The following GLDC variants were observed in gnomAD, a reference collection of about 807,000 sequenced individuals.
GLDC encodes the protein glycine decarboxylase.
A neutral mutation model predicts 121.3 loss-of-function variants in GLDC; 104 were observed. That is an observed-to-expected ratio of 0.86 (90% CI 0.73 to 1.01). The LOEUF (loss-of-function observed/expected upper bound fraction) is 1.01, where lower values mean the gene tolerates loss of function less well. Ranked by LOEUF, GLDC falls within the 50% of genes least tolerant of loss-of-function variation. The probability of loss-of-function intolerance (pLI) is 0.00; values close to 1 mark genes in which losing one functional copy is unlikely to be tolerated. For missense variants in GLDC, 1,429 were observed against 1,306.6 expected, an observed-to-expected ratio of 1.09 and a Z score of -1.44; for synonymous variants, 546 against 480.6, an observed-to-expected ratio of 1.14 and a Z score of -1.78.
intron 2 of GLDC, among the ~76,000 whole-genome samples, chr9:6,643,613 A>T (rs1420017094): frequency 6.6e-6 from 1 of 151,916 alleles, no homozygotes; most frequent in Admixed American, 6.6e-5. Flanking sequence ...CCCACATAAA[A>T]ATACCCCTGA....
At chr9:6,601,843 C>A (rs1563855198) in intron 8 of GLDC, among the ~76,000 whole-genome samples, 1 of 152,128 alleles carries the variant, frequency 6.6e-6, no homozygotes. Flanking sequence ...GTCGCCCAGG[C>A]AGGTTTCCAA....
rs1341167527 is a variant in GLDC, at chr9:6,589,368, G to T, written c.1483-76C>A. ...ATGTGGACATCCAGGCTTCTGGGTG[G>T]CTGGGCCACAAAGCACTCAAAATGG... On this transcript the variant is annotated intron_variant, in intron 11 of 24. Transcript: ENST00000321612. 1.4e-5 allele frequency: 12 copies of T among 841,764 alleles called. No individual in the cohort carries two copies. The East Asian group carries it at 2.7e-4, about 19-fold the overall frequency. 52.1% of individuals were successfully genotyped at this position (841,764 alleles called of 1,614,324 possible). A position where few individuals can be genotyped will look rare whatever the true frequency, so the allele number is the denominator to read the frequency against.
intron 2 of GLDC, 125 bp from the exon 3 acceptor site, chr9:6,620,444 C>T (rs1819068377): frequency 4.9e-6 from 4 of 822,194 alleles, no homozygotes; most frequent in South Asian, 4.2e-5. Context: ...ATGTAAGAGT[C>T]ATCCATCCAA....
At chr9:6,644,418 T>G (rs563783483) in intron 2 of GLDC, 196 bp downstream of exon 2, 6 of 633,738 alleles carry the variant, frequency 9.5e-6, no homozygotes, top group Non-Finnish European at 1.7e-5. Context: ...GACTCTCTCC[T>G]AACACAAAAC....
chr9:6,538,517 G>A (rs1403987298), intron 22 of GLDC, among the ~76,000 whole-genome samples: 2 of 152,152 alleles, frequency 1.3e-5, no homozygotes, highest in African/African-American at 4.8e-5. Flanking sequence ...ATTGTTTTTC[G>A]ACTTAGCTAT....
chr9:6,562,155 A>C (rs1022955547), intron 16 of GLDC, among the ~76,000 whole-genome samples: 2 of 152,256 alleles, frequency 1.3e-5, no homozygotes, highest in African/African-American at 4.8e-5. Flanking sequence ...TATTAATTAT[A>C]AAGTGTTAAA....
chr9:6,553,371 G>C lies in GLDC; in HGVS notation c.2454C>G (p.Ile818Met), dbSNP rs1817554747. ...SSILPISWAY[I>M]KMMGGKGLKQ... ...TGCACATACTCCCAGGCCTCACCTT[G>C]ATATAAGCCCAGGAAATGGGCAAGA... The change falls in exon 20 of 25, where the codon ATC (isoleucine) becomes ATG (methionine). Residue 818 changes from isoleucine (I) to methionine (M), a missense_variant. Transcript: ENST00000321612. 1 of 1,613,990 alleles carries C rather than the reference G, an allele frequency of 6.2e-7. No homozygotes were observed. Among genetic ancestry groups the C allele is most frequent in the Non-Finnish European group, 8.5e-7 (1 of 1,179,930 alleles).
chr9:6,543,742 T>C (rs1343753594), intron 21 of GLDC, among the ~76,000 whole-genome samples: 1 of 152,134 alleles, frequency 6.6e-6, no homozygotes, highest in Non-Finnish European at 1.5e-5. Context: ...CACACAAACC[T>C]GCTATAGGGC....
At chr9:6,594,740 AAAGC>A (rs1818455239) in intron 9 of GLDC, among the ~76,000 whole-genome samples, 2 of 148,586 alleles carry the variant, frequency 1.3e-5, no homozygotes, top group Admixed American at 1.3e-4. Context: ...AGAAAGCAAG[AAAGC>A]AAGCAAGCAA....
rs747336541 is a variant in GLDC at position 6,550,835 on chromosome 9, G to A, written c.2537C>T (p.Thr846Ile). Residue 846 changes from threonine (T) to isoleucine (I), a missense_variant, in exon 21 of 25, where the codon ACA becomes ATA. Physicochemically the swap from Thr to Ile is moderately conservative, Grantham distance 89. Transcript: ENST00000321612. ...NANYMAKRLE[T>I]HYRILFRGAR... ...ACCCCTGAAAAGAATTCTGTAGTGT[G>A]TTTCTAATCGCTTGGCCATGTAGTT... 17 of 1,613,012 alleles carry A rather than the reference G, an allele frequency of 1.1e-5. No individual in the cohort carries two copies. The highest frequency in any genetic ancestry group is 1.3e-5 in the African/African-American group (1 of 74,906).
intron 15 of GLDC, among the ~76,000 whole-genome samples, chr9:6,582,828 CAAA>C (rs753266751): frequency 6.5e-5 from 6 of 92,460 alleles, no homozygotes; most frequent in Non-Finnish European, 2.3e-5. Flanking sequence ...GACCTCGTCT[CAAA>C]AAAAAAAAAA....
Position 6,558,630 on chromosome 9 carries a change from C to T in GLDC, c.1981G>A (p.Ala661Thr). 4 of 1,613,958 alleles carry T rather than the reference C, an allele frequency of 2.5e-6. No individual in the cohort carries two copies. Among genetic ancestry groups the T allele is most frequent in the Non-Finnish European group, 3.4e-6 (4 of 1,179,800 alleles). The change falls in exon 17 of 25, where the codon GCA becomes ACA. Residue 661 changes from alanine to threonine, a missense_variant. Ala to Thr is a moderately conservative substitution (Grantham distance 58). Transcript: ENST00000321612. ...TCCACAGGCTGAATCTTCATGCCTG[C>T]CATGTGGGCACTTGCTGGGTTGGTC... ...HGTNPASAHM[A>T]GMKIQPVEVD...
chr9:6,549,883 C>A (rs1817474853), intron 21 of GLDC, among the ~76,000 whole-genome samples: 1 of 152,142 alleles, frequency 6.6e-6, no homozygotes, highest in Non-Finnish European at 1.5e-5. Context: ...TCCCTACCCT[C>A]CCCTGCTCAA....
intron 21 of GLDC, among the ~76,000 whole-genome samples, chr9:6,550,460 C>G (rs1206731249): frequency 1.3e-5 from 2 of 152,026 alleles, no homozygotes; most frequent in African/African-American, 4.8e-5. Flanking sequence ...AACCCTGTCT[C>G]TACTAAAAAT....
chr9:6,535,017 C>G (rs1323145938), intron 23 of GLDC, among the ~76,000 whole-genome samples: 2 of 152,194 alleles, frequency 1.3e-5, no homozygotes, highest in Admixed American at 6.5e-5. Flanking sequence ...AATGAGCATT[C>G]TGTCATATTT....
chr9:6,591,755 TG>T (rs571068582), intron 11 of GLDC: 34 of 266,354 alleles, frequency 1.3e-4, no homozygotes, highest in Non-Finnish European at 2.4e-4. Context: ...TGGCTAATTT[TG>T]TATTTTTAGT....
rs767018561 is a variant in GLDC, at chr9:6,536,167, T to C, written c.2735A>G (p.Asp912Gly). Residue 912 changes from aspartate to glycine, a missense_variant, in exon 23 of 25, where the codon GAC becomes GGC. Physicochemically the swap from Asp to Gly is moderately conservative, Grantham distance 94 (BLOSUM62 -1). Coordinates refer to ENST00000321612, the MANE Select transcript of GLDC (RefSeq NM_000170.3). The stretch of plus-strand genomic sequence containing the variant: ...ACAGAATCTGTCCAGCTCTGCCTTG[T>C]CCTCCGACTCAGTGGGCTCCACCAT... ...TLMVEPTESEDKAELDRFCDA... is the reference protein window; with the variant it reads ...TLMVEPTESEGKAELDRFCDA... 1 of 1,614,092 alleles carries C rather than the reference T, an allele frequency of 6.2e-7. No homozygotes were observed. The highest frequency in any genetic ancestry group is 8.5e-7 in the Non-Finnish European group (1 of 1,179,990).
chr9:6,629,313 C>G lies in GLDC; in HGVS notation c.335-8994G>C, dbSNP rs534152995. Reference sequence around the variant, plus strand: ...CACTGCAACCTCCGCCTCCTGGGTTCAAGCGATTCTCCTGCCTCAGCCTCC... The same window carrying G: ...CACTGCAACCTCCGCCTCCTGGGTTGAAGCGATTCTCCTGCCTCAGCCTCC... On this transcript the variant is annotated intron_variant, in intron 2 of 24. Coordinates refer to ENST00000321612, the MANE Select transcript of GLDC (RefSeq NM_000170.3). Among the ~76,000 whole-genome samples, 12 of 151,102 alleles carry G rather than the reference C, an allele frequency of 7.9e-5. No homozygotes were observed. In the East Asian group the frequency reaches 2.3e-3, roughly 29 times the overall value.
At chr9:6,579,924 G>C (rs1023207674) in intron 15 of GLDC, among the ~76,000 whole-genome samples, 2 of 152,194 alleles carry the variant, frequency 1.3e-5, no homozygotes, top group African/African-American at 4.8e-5. Flanking sequence ...AGTTCAGGTT[G>C]CTGCAACATC....
Sources: gnomAD v4.1 joint callset for allele counts (sites outside exome capture counted in the v4.1 genomes callset) on GRCh38, gnomAD v4.1.1 for gene constraint, MANE v1.5 for transcripts, NCBI Gene and HGNC (gene_info 2026-07-23, HGNC 2026-07-21) for gene names.